RASA1: variants seen among roughly 807,000 people sequenced by gnomAD.
RASA1 encodes ras GTPase-activating protein 1.
Under a neutral mutation model 132.2 loss-of-function variants are expected in RASA1, and 25 were observed. The ratio of observed to expected loss-of-function variants is 0.19; its 90% CI spans 0.14 to 0.26. The LOEUF (loss-of-function observed/expected upper bound fraction) is 0.26, where lower values mean the gene tolerates loss of function less well. Among genes scored for constraint, RASA1 ranks in the 10% least tolerant of loss-of-function variants. RASA1 has a pLI of 1.00. For missense variants in RASA1, 964 were observed against 1,299.2 expected (o/e 0.74, Z 3.97); for synonymous variants, 477 against 449.9 (o/e 1.06, Z -0.76).
rs182969878 is a variant in RASA1 at position 87,317,621 on chromosome 5, T to C, written c.540-13727T>C. Among the ~76,000 whole-genome samples, 9 of 152,102 alleles carry C rather than the reference T, an allele frequency of 5.9e-5. No homozygotes were observed. The East Asian group carries it at 1.4e-3, about 23-fold the overall frequency. ...ATGACCTTTTTCCCTAATAAGACTG[T>C]TTTTCTCATGCTCTTTTTTTTTTTT... On this transcript the variant is annotated intron_variant, in intron 1 of 24. Coordinates refer to ENST00000274376, the MANE Select transcript of RASA1 (RefSeq NM_002890.3).
chr5:87,334,138 G>T (rs936160187), intron 4 of RASA1, among the ~76,000 whole-genome samples: 2 of 152,118 alleles, frequency 1.3e-5, no homozygotes, highest in African/African-American at 4.8e-5. Context: ...ATGATAGATG[G>T]AGACAGTAAA....
chr5:87,354,507 G>T (rs572815125), intron 9 of RASA1, among the ~76,000 whole-genome samples: 1 of 152,246 alleles, frequency 6.6e-6, no homozygotes, highest in South Asian at 2.1e-4. Context: ...ATCGATAAAT[G>T]TAGTGTATGT....
At chr5:87,295,563 C>G (rs1054096729) in intron 1 of RASA1, among the ~76,000 whole-genome samples, 11 of 151,708 alleles carry the variant, frequency 7.3e-5, no homozygotes, top group Non-Finnish European at 1.6e-4. Context: ...GGCTGGAGTA[C>G]AGTGGCGTGA....
At chr5:87,384,075 T>C (rs1761909557) in intron 21 of RASA1, among the ~76,000 whole-genome samples, 1 of 152,112 alleles carries the variant, frequency 6.6e-6, no homozygotes, top group South Asian at 2.1e-4. Context: ...CTTCTTGTAG[T>C]CTGCAGCTTG....
intron 1 of RASA1, among the ~76,000 whole-genome samples, chr5:87,286,936 A>G (rs914891777): frequency 6.7e-6 from 1 of 149,278 alleles, no homozygotes; most frequent in Admixed American, 6.7e-5. Context: ...CATACCATAT[A>G]TATACACCAT....
rs1281716881 is a variant in RASA1, at chr5:87,390,972, A to T, written c.*89A>T. 6.9e-6 allele frequency: 9 copies of T among 1,301,542 alleles called. No homozygotes were observed. In the Admixed American group the frequency reaches 8.6e-5, roughly 12 times the overall value. 80.6% of individuals were successfully genotyped at this position (1,301,542 alleles called of 1,614,324 possible). On this transcript the variant is annotated 3_prime_UTR_variant, in exon 25 of 25. Coordinates refer to ENST00000274376, the MANE Select transcript of RASA1 (RefSeq NM_002890.3). ...AATGTCTCCTTTGCTCTTGCCAAAA[A>T]ATAGCACACTTTTCCACATTCCAGT...
intron 21 of RASA1, among the ~76,000 whole-genome samples, chr5:87,384,142 G>A (rs546372874): frequency 6.6e-6 from 1 of 152,218 alleles, no homozygotes; most frequent in East Asian, 1.9e-4. Flanking sequence ...CTGCCAGCTA[G>A]ATCTTCAAGA....
chr5:87,331,363 A>G lies in RASA1; in HGVS notation c.555A>G (p.Lys185=). The part of the protein sequence containing the change: ...APPTNQWYHG[K]LDRTIAEERL... ...TTTCCCCTAGGTGGTATCACGGAAA[A>G]CTTGACAGAACGATAGCAGAAGAAC... is the stretch of plus-strand genomic sequence containing the variant. Residue 185 remains lysine (K), a synonymous_variant, in exon 2 of 25, where the codon AAA becomes AAG. Transcript: ENST00000274376. The G allele has an allele frequency of 6.2e-7, 1 of 1,610,250 alleles. No homozygotes were observed. Among genetic ancestry groups the G allele is most frequent in the Non-Finnish European group, 8.5e-7 (1 of 1,176,550 alleles).
At chr5:87,351,523 A>G (rs1759275856) in intron 8 of RASA1, among the ~76,000 whole-genome samples, 2 of 151,878 alleles carry the variant, frequency 1.3e-5, no homozygotes, top group African/African-American at 4.8e-5. Flanking sequence ...TGCTAAATGC[A>G]TTACAAAAAT....
At chr5:87,333,171 A>G (rs1757719047) in intron 3 of RASA1, 96 bp from the exon 4 acceptor site, 2 of 1,515,636 alleles carry the variant, frequency 1.3e-6, no homozygotes, top group South Asian at 2.6e-5. Context: ...TGGAGTTTCT[A>G]ATGTGAATTT....
chr5:87,294,375 G>C (rs577628700), intron 1 of RASA1: 41 of 152,222 alleles, frequency 2.7e-4, no homozygotes, highest in African/African-American at 9.9e-4. Flanking sequence ...GGTTTACTGG[G>C]CATAATGTAC....
chr5:87,357,971 G>A (rs2112443798), intron 9 of RASA1, among the ~76,000 whole-genome samples: 1 of 152,232 alleles, frequency 6.6e-6, no homozygotes, highest in Middle Eastern at 3.4e-3. Context: ...TGGAGCATGG[G>A]GTGATGAAAA....
chr5:87,390,965 G>T lies in RASA1; in HGVS notation c.*82G>T. The T allele has an allele frequency of 7.2e-7, 1 of 1,381,546 alleles. No homozygotes were observed. The highest frequency in any genetic ancestry group is 1.0e-6 in the Non-Finnish European group (1 of 972,848). The allele number at this position is 1,381,546 out of a possible 1,614,324, so 85.6% of individuals were successfully genotyped here. A position where few individuals can be genotyped will look rare whatever the true frequency, so the allele number is the denominator to read the frequency against. ...TCAGTTTAATGTCTCCTTTGCTCTT[G>T]CCAAAAAATAGCACACTTTTCCACA... On this transcript the variant is annotated 3_prime_UTR_variant, in exon 25 of 25. Transcript: ENST00000274376.
intron 1 of RASA1, among the ~76,000 whole-genome samples, chr5:87,323,708 A>T (rs1320941141): frequency 6.6e-6 from 1 of 152,124 alleles, no homozygotes; most frequent in Non-Finnish European, 1.5e-5. Context: ...ATCTTTTGAT[A>T]AGTCAATTCT....
intron 1 of RASA1, among the ~76,000 whole-genome samples, chr5:87,285,719 A>T (rs961933133): frequency 6.7e-6 from 1 of 149,700 alleles, no homozygotes; most frequent in Non-Finnish European, 1.5e-5. Context: ...CCCAGGTTCA[A>T]GCGATTCTTC....
intron 8 of RASA1, among the ~76,000 whole-genome samples, chr5:87,350,506 AT>A (rs1201169946): frequency 1.3e-5 from 2 of 151,742 alleles, no homozygotes; most frequent in Non-Finnish European, 1.5e-5. Context: ...ACATGAATTT[AT>A]TTTTTTGAAG....
chr5:87,300,784 A>G (rs111560427), intron 1 of RASA1, among the ~76,000 whole-genome samples: 5 of 152,346 alleles, frequency 3.3e-5, no homozygotes, highest in African/African-American at 9.6e-5. Context: ...AGATGATTAT[A>G]TGATTAAAAT....
At chr5:87,303,164 C>T (rs1489166655) in intron 1 of RASA1, among the ~76,000 whole-genome samples, 10 of 152,082 alleles carry the variant, frequency 6.6e-5, no homozygotes, top group Non-Finnish European at 1.0e-4. Flanking sequence ...TATAATAGCA[C>T]GACTAATTGT....
chr5:87,323,714 A>G lies in RASA1; in HGVS notation c.540-7634A>G, dbSNP rs191551095. On this transcript the variant is annotated intron_variant, in intron 1 of 24. Transcript: ENST00000274376. Reference sequence around the variant, plus strand: ...TGGCTATATATCTTTTGATAAGTCAATTCTTTTTTTTTTTGCCTGTGCTTT... The same window carrying G: ...TGGCTATATATCTTTTGATAAGTCAGTTCTTTTTTTTTTTGCCTGTGCTTT... Among the ~76,000 whole-genome samples the G allele has an allele frequency of 2.6e-3, 392 of 151,460 alleles. 1 individual carries two copies. The highest frequency in any genetic ancestry group is 8.9e-3 in the African/African-American group (368 of 41,254).
Sources: allele counts gnomAD v4.1 joint callset (sites outside exome capture counted in the v4.1 genomes callset), GRCh38; gene constraint gnomAD v4.1.1; transcripts MANE v1.5; gene names NCBI Gene and HGNC (gene_info 2026-07-23, HGNC 2026-07-21).